CCDC171: variants seen among roughly 807,000 people sequenced by gnomAD.
The protein encoded by CCDC171 is coiled-coil domain-containing protein 171.
Under a neutral mutation model 168.2 loss-of-function variants are expected in CCDC171, and 177 were observed. The ratio of observed to expected loss-of-function variants is 1.05; its 90% CI spans 0.93 to 1.19. CCDC171 has a LOEUF of 1.19. CCDC171 is among the 50% of genes most tolerant of loss of function. The pLI is 0.00. For missense variants in CCDC171, 1,991 were observed against 1,539.0 expected (o/e 1.29, Z -4.91); for synonymous variants, 687 against 540.8 (o/e 1.27, Z -3.75).
At chr9:15,684,791 A>T (rs2050269217) in intron 10 of CCDC171, among the ~76,000 whole-genome samples, 1 of 152,206 alleles carries the variant, frequency 6.6e-6, no homozygotes, top group Admixed American at 6.5e-5. Context: ...ATATTTTTTA[A>T]CCAACATTGA....
intron 10 of CCDC171, among the ~76,000 whole-genome samples, chr9:15,691,401 T>C (rs1179000144): frequency 1.3e-5 from 2 of 150,912 alleles, no homozygotes. Flanking sequence ...ATAAAACACA[T>C]TGTGAATAAA....
Position 15,669,253 on chromosome 9 carries a change from A to T in CCDC171, c.1076+2930A>T, listed in dbSNP as rs185823911. On this transcript the variant is annotated intron_variant, in intron 9 of 25. Coordinates refer to ENST00000380701, the MANE Select transcript of CCDC171 (RefSeq NM_173550.4). ...CTATAATCAAAATTTCTTAGAATAA[A>T]TTTTTTTCCATCTAAAACTTGCAGT... is the stretch of plus-strand genomic sequence containing the variant. Among the ~76,000 whole-genome samples the T allele has an allele frequency of 6.6e-3, 1,000 of 152,250 alleles. 10 individuals carry two copies. The highest frequency in any genetic ancestry group is 0.043 in the Admixed American group (654 of 15,282).
At chr9:15,865,884 G>A (rs758782416) in intron 23 of CCDC171, among the ~76,000 whole-genome samples, 111 of 150,422 alleles carry the variant, frequency 7.4e-4, no homozygotes, top group Non-Finnish European at 1.3e-3. Flanking sequence ...GTGTATCACA[G>A]TTCTATATAG....
At chr9:15,595,126 T>C (rs1419728391) in intron 6 of CCDC171, among the ~76,000 whole-genome samples, 2 of 152,088 alleles carry the variant, frequency 1.3e-5, no homozygotes, top group Non-Finnish European at 2.9e-5. Context: ...ACCAAAAATA[T>C]GCAGAGAATA....
At chr9:15,812,142 CGA>C (rs1309704311) in intron 21 of CCDC171, among the ~76,000 whole-genome samples, 3 of 152,024 alleles carry the variant, frequency 2.0e-5, no homozygotes, top group African/African-American at 7.2e-5. Flanking sequence ...ATAAAAGGGA[CGA>C]GAGAGAGTCT....
At chr9:16,052,364 G>C (rs1833762872) in intron 1 of CCDC171, among the ~76,000 whole-genome samples, 1 of 152,132 alleles carries the variant, frequency 6.6e-6, no homozygotes, top group Non-Finnish European at 1.5e-5. Context: ...GCTGCTGTGA[G>C]ACTGTGGCTC....
At position 15,909,715 on chromosome 9, in the gene CCDC171, G is replaced by T. The variant is rs61600380; in HGVS notation, c.3601-10555G>T. On this transcript the variant is annotated intron_variant, in intron 24 of 25. Transcript: ENST00000380701. The stretch of plus-strand genomic sequence containing the variant: ...TATTAAAATATTGGAATGAAAGTAA[G>T]TCTAATAAATGAGCAACCATATCAG... Among the ~76,000 whole-genome samples the T allele has an allele frequency of 1.5e-3, 230 of 152,244 alleles. 1 individual carries two copies. The highest frequency in any genetic ancestry group is 5.4e-3 in the African/African-American group (225 of 41,544).
chr9:15,633,690 C>G (rs1328644488), intron 7 of CCDC171, among the ~76,000 whole-genome samples: 1 of 152,074 alleles, frequency 6.6e-6, no homozygotes, highest in Non-Finnish European at 1.5e-5. Context: ...ACCGAAAGGA[C>G]TATAAATCAT....
At chr9:15,627,795 T>C (rs372412667) in intron 7 of CCDC171, among the ~76,000 whole-genome samples, 8 of 152,330 alleles carry the variant, frequency 5.3e-5, no homozygotes, top group African/African-American at 1.9e-4. Context: ...GTATATTCTG[T>C]TGATTTTGCA....
intron 25 of CCDC171, among the ~76,000 whole-genome samples, chr9:15,929,182 C>G (rs528320694): frequency 6.6e-6 from 1 of 151,680 alleles, no homozygotes; most frequent in Admixed American, 6.6e-5. Context: ...ATTAAAATTT[C>G]AAAGTGATCA....
intron 23 of CCDC171, among the ~76,000 whole-genome samples, chr9:15,867,466 G>C (rs945902230): frequency 6.6e-6 from 1 of 151,850 alleles, no homozygotes. Context: ...TGTTACTTAC[G>C]GTCTTTGAAC....
At chr9:16,018,280 C>A (rs920694832) in intron 3 of CCDC171, among the ~76,000 whole-genome samples, 2 of 152,282 alleles carry the variant, frequency 1.3e-5, no homozygotes, top group Admixed American at 6.5e-5. Context: ...AAGCATATAG[C>A]ATTATCCTTA....
intron 6 of CCDC171, among the ~76,000 whole-genome samples, chr9:16,033,352 C>A (rs576170557): frequency 6.6e-6 from 1 of 152,206 alleles, no homozygotes; most frequent in Non-Finnish European, 1.5e-5. Context: ...CTTACAGCCA[C>A]TCTCCATCGC....
chr9:15,606,688 G>C (rs983518090), intron 6 of CCDC171, among the ~76,000 whole-genome samples: 1 of 152,140 alleles, frequency 6.6e-6, no homozygotes, highest in Admixed American at 6.5e-5. Flanking sequence ...GTTTATATGA[G>C]TATATATAAA....
At chr9:16,038,414 T>C (rs1833511472), upstream of CCDC171, among the ~76,000 whole-genome samples, 1 of 152,068 alleles carries the variant, frequency 6.6e-6, no homozygotes, top group Non-Finnish European at 1.5e-5. Flanking sequence ...TTGACAACAA[T>C]AATAGATAAA....
chr9:15,913,462 A>G (rs1338327336), intron 24 of CCDC171, among the ~76,000 whole-genome samples: 1 of 151,858 alleles, frequency 6.6e-6, no homozygotes, highest in Admixed American at 6.6e-5. Context: ...TATTTTGTTA[A>G]TCTTTACAAA....
At chr9:16,087,668 C>T in the CCDC171 span, among the ~76,000 whole-genome samples, 2 of 144,908 alleles carry the variant, frequency 1.4e-5, no homozygotes. Flanking sequence ...CTGTTGAATA[C>T]AGCACACTGA....
chr9:15,613,717 G>A (rs1023531794), intron 6 of CCDC171, among the ~76,000 whole-genome samples: 4 of 151,740 alleles, frequency 2.6e-5, no homozygotes, highest in African/African-American at 9.7e-5. Context: ...TAGAGACAGG[G>A]TTTCACCATG....
intron 21 of CCDC171, among the ~76,000 whole-genome samples, chr9:15,843,111 G>C (rs2060751922): frequency 6.6e-6 from 1 of 151,864 alleles, no homozygotes; most frequent in Admixed American, 6.6e-5. Flanking sequence ...TTTTCTTATA[G>C]GAGTAGTTAA....
Sources: gnomAD v4.1 joint callset for allele counts (sites outside exome capture counted in the v4.1 genomes callset) on GRCh38, gnomAD v4.1.1 for gene constraint, MANE v1.5 for transcripts, NCBI Gene and HGNC (gene_info 2026-07-23, HGNC 2026-07-21) for gene names.